The following SLC14A2 variants were observed in gnomAD, a reference collection of about 807,000 sequenced individuals.
SLC14A2 encodes the protein solute carrier family 14 member 2.
SLC14A2 carries 91 observed loss-of-function variants against 104.6 expected under a neutral mutation model. The ratio of observed to expected loss-of-function variants is 0.87; its 90% CI spans 0.73 to 1.04. The LOEUF (loss-of-function observed/expected upper bound fraction) is 1.04. Among genes scored for constraint, SLC14A2 ranks in the 50% least tolerant of loss-of-function variants. The probability of loss-of-function intolerance (pLI) is 0.00; values close to 1 mark genes in which losing one functional copy is unlikely to be tolerated. For missense variants in SLC14A2, 1,189 were observed against 1,156.0 expected (o/e 1.03, Z -0.41); for synonymous variants, 476 against 466.4 (o/e 1.02, Z -0.27).
At chr18:45,363,668 G>A (rs554505726) in intron 1 of SLC14A2, among the ~76,000 whole-genome samples, 1 of 152,310 alleles carries the variant, frequency 6.6e-6, no homozygotes, top group South Asian at 2.1e-4. Flanking sequence ...AGTGGAAGAT[G>A]GAGAAACTCA....
the SLC14A2 span, among the ~76,000 whole-genome samples, chr18:45,174,311 G>A: frequency 3.3e-5 from 5 of 152,042 alleles, no homozygotes; most frequent in Non-Finnish European, 7.4e-5. Context: ...TTTACTGATG[G>A]ATTTCCAGGT....
At chr18:45,294,041 T>A (rs1042648580) in intron 1 of SLC14A2, among the ~76,000 whole-genome samples, 1 of 152,168 alleles carries the variant, frequency 6.6e-6, no homozygotes, top group African/African-American at 2.4e-5. Flanking sequence ...CCATCACTTT[T>A]GGGGAAAAAT....
chr18:45,344,042 C>T (rs527609654), intron 1 of SLC14A2, among the ~76,000 whole-genome samples: 1 of 152,284 alleles, frequency 6.6e-6, no homozygotes, highest in South Asian at 2.1e-4. Flanking sequence ...AATTTGCTGG[C>T]CCAATAACTT....
At chr18:45,529,004 C>T (rs550654005) in intron 2 of SLC14A2, 2 of 152,328 alleles carry the variant, frequency 1.3e-5, no homozygotes, top group Admixed American at 6.5e-5. Flanking sequence ...GGGTCAGATG[C>T]CACATGGAGA....
At chr18:45,185,445 G>A in the SLC14A2 span, among the ~76,000 whole-genome samples, 4 of 152,274 alleles carry the variant, frequency 2.6e-5, no homozygotes, top group South Asian at 6.2e-4. Context: ...CCTGGTATAA[G>A]AACAAGCGAC....
intron 1 of SLC14A2, among the ~76,000 whole-genome samples, chr18:45,450,723 A>G (rs2852298): frequency 1 from 152,340 of 152,354 alleles, 76,163 homozygotes; most frequent in Middle Eastern, 1. Flanking sequence ...ATCAACAAGT[A>G]AATATTAACT....
chr18:45,309,184 A>G (rs796672963), intron 1 of SLC14A2, among the ~76,000 whole-genome samples: 25 of 152,302 alleles, frequency 1.6e-4, no homozygotes, highest in African/African-American at 5.8e-4. Flanking sequence ...AGATGCTCCA[A>G]AATTATAAAA....
chr18:45,588,605 A>G (rs2044601492), intron 2 of SLC14A2, among the ~76,000 whole-genome samples: 1 of 152,178 alleles, frequency 6.6e-6, no homozygotes, highest in Non-Finnish European at 1.5e-5. Flanking sequence ...GGTGTTACTA[A>G]AACTCCTCTC....
chr18:45,499,296 A>C (rs2144754631), intron 2 of SLC14A2, among the ~76,000 whole-genome samples: 1 of 152,364 alleles, frequency 6.6e-6, no homozygotes, highest in Non-Finnish European at 1.5e-5. Context: ...TAAATTAAGA[A>C]GAGCCTCTGT....
chr18:45,560,189 G>T (rs953561024), intron 2 of SLC14A2, among the ~76,000 whole-genome samples: 2 of 152,190 alleles, frequency 1.3e-5, no homozygotes, highest in Admixed American at 1.3e-4. Flanking sequence ...CCCAGTGGTT[G>T]TTAAACACTT....
At chr18:45,588,839 C>T (rs945653950) in intron 2 of SLC14A2, among the ~76,000 whole-genome samples, 6 of 152,106 alleles carry the variant, frequency 3.9e-5, no homozygotes, top group East Asian at 1.9e-4. Flanking sequence ...AACCCTAAAC[C>T]GTAATTCTTT....
In SLC14A2 at chr18:45,668,362, G is replaced by A. The variant is rs149677287; in HGVS notation, c.1921G>A (p.Ala641Thr). 1 of 1,614,146 alleles carries A rather than the reference G, an allele frequency of 6.2e-7. No homozygotes were observed. The highest frequency in any genetic ancestry group is 1.1e-5 in the South Asian group (1 of 91,078). Residue 641 changes from alanine (A) to threonine (T), a missense_variant, in exon 15 of 20, where the codon GCA (alanine) becomes ACA (threonine). Physicochemically the swap from Ala to Thr is moderately conservative, Grantham distance 58. Coordinates refer to ENST00000255226, the MANE Select transcript of SLC14A2 (RefSeq NM_007163.4). The part of the protein sequence containing the change: ...ILSQDKSAIA[A>T]GFHGYNGVLV... Reference sequence around the variant, plus strand: ...CTCTCCTGCCAGGTCGGCCATCGCTGCAGGATTTCACGGCTACAATGGGGT... The same window carrying A: ...CTCTCCTGCCAGGTCGGCCATCGCTACAGGATTTCACGGCTACAATGGGGT...
chr18:45,598,441 C>T (rs907796147), intron 2 of SLC14A2, among the ~76,000 whole-genome samples: 32 of 152,088 alleles, frequency 2.1e-4, no homozygotes, highest in Admixed American at 1.4e-3. Flanking sequence ...ACATGGACGG[C>T]GCTGCATTAT....
At chr18:45,206,639 C>G in the SLC14A2 span, among the ~76,000 whole-genome samples, 1 of 152,112 alleles carries the variant, frequency 6.6e-6, no homozygotes, top group African/African-American at 2.4e-5. Context: ...GGGTATATTA[C>G]TTTCCCTGTG....
intron 1 of SLC14A2, among the ~76,000 whole-genome samples, chr18:45,416,178 T>C (rs1213344220): frequency 1.3e-5 from 2 of 152,140 alleles, no homozygotes; most frequent in East Asian, 3.8e-4. Context: ...TTTGCCTATT[T>C]TTTTCTTTTT....
At chr18:45,523,075 G>A (rs185500905) in intron 2 of SLC14A2, among the ~76,000 whole-genome samples, 1 of 152,316 alleles carries the variant, frequency 6.6e-6, no homozygotes, top group African/African-American at 2.4e-5. Context: ...GTCTGCACTG[G>A]TCACTGGTGG....
chr18:45,451,225 C>T (rs953005143), intron 1 of SLC14A2, among the ~76,000 whole-genome samples: 10 of 151,982 alleles, frequency 6.6e-5, no homozygotes, highest in Admixed American at 5.9e-4. Flanking sequence ...CAACTGAATG[C>T]CCAGTTGAAA....
At chr18:45,612,136 G>A (rs754235350), upstream of SLC14A2, among the ~76,000 whole-genome samples, 1 of 152,198 alleles carries the variant, frequency 6.6e-6, no homozygotes, top group East Asian at 1.9e-4. Flanking sequence ...GAAAAGGAAA[G>A]ATAAAGAGCT....
the SLC14A2 span, among the ~76,000 whole-genome samples, chr18:45,204,570 ACT>A: frequency 6.6e-6 from 1 of 152,150 alleles, no homozygotes; most frequent in South Asian, 2.1e-4. Context: ...TATAAATAAC[ACT>A]CTCAAGAGTA....
Sources: allele counts gnomAD v4.1 joint callset (sites outside exome capture counted in the v4.1 genomes callset), GRCh38; gene constraint gnomAD v4.1.1; transcripts MANE v1.5; gene names NCBI Gene and HGNC (gene_info 2026-07-23, HGNC 2026-07-21).